GDAP1: variants seen among roughly 807,000 people sequenced by gnomAD.
GDAP1 encodes the protein ganglioside induced differentiation associated protein 1.
A neutral mutation model predicts 40.1 loss-of-function variants in GDAP1; 34 were observed. The observed-to-expected ratio is 0.85, with a 90% CI of 0.64 to 1.13. The LOEUF (loss-of-function observed/expected upper bound fraction) is 1.13, where lower values mean the gene tolerates loss of function less well. GDAP1 is among the 50% of genes most tolerant of loss of function. GDAP1 has a pLI of 0.00. For missense variants in GDAP1, 374 were observed against 433.7 expected, an observed-to-expected ratio of 0.86 and a Z score of 1.22; for synonymous variants, 170 against 157.4, an observed-to-expected ratio of 1.08 and a Z score of -0.60.
intron 2 of GDAP1, among the ~76,000 whole-genome samples, chr8:74,473,762 A>C (rs1042474708): frequency 2.6e-5 from 4 of 151,888 alleles, no homozygotes; most frequent in Non-Finnish European, 1.5e-5. Context: ...TTGTTCTTTT[A>C]TTTAGGATAG....
At chr8:74,471,095 G>A (rs2131584209) in intron 2 of GDAP1, among the ~76,000 whole-genome samples, 1 of 152,010 alleles carries the variant, frequency 6.6e-6, no homozygotes, top group Non-Finnish European at 1.5e-5. Flanking sequence ...TTTTGATGGG[G>A]TTGTTTTTTT....
chr8:74,416,371 C>T (rs1369628517), intron 2 of GDAP1, among the ~76,000 whole-genome samples: 1 of 150,136 alleles, frequency 6.7e-6, no homozygotes, highest in Non-Finnish European at 1.5e-5. Flanking sequence ...CACCTCTTGG[C>T]TGGAGGCCAA....
chr8:74,468,478 T>TACACACAC (rs71271804), intron 2 of GDAP1, among the ~76,000 whole-genome samples: 69 of 139,208 alleles, frequency 5.0e-4, no homozygotes, highest in African/African-American at 1.2e-3. Flanking sequence ...AATGACCCCA[T>TACACACAC]ACACACACAC....
At chr8:74,465,703 T>C (rs1586843191) in intron 2 of GDAP1, among the ~76,000 whole-genome samples, 1 of 152,060 alleles carries the variant, frequency 6.6e-6, no homozygotes. Context: ...CCTGGCTCCC[T>C]CTCCAAACTG....
chr8:74,382,784 T>C (rs1377150080), intron 2 of GDAP1, among the ~76,000 whole-genome samples: 8 of 152,128 alleles, frequency 5.3e-5, no homozygotes, highest in African/African-American at 1.9e-4. Context: ...TCACTTTTTT[T>C]TCCCTGAGTA....
chr8:74,476,533 G>A (rs987946827), intron 2 of GDAP1, among the ~76,000 whole-genome samples: 2 of 152,052 alleles, frequency 1.3e-5, no homozygotes, highest in Admixed American at 6.6e-5. Context: ...GTTCTCCTTT[G>A]CTTATGAAGC....
intron 2 of GDAP1, among the ~76,000 whole-genome samples, chr8:74,410,404 A>G (rs577664220): frequency 3.3e-5 from 5 of 150,424 alleles, no homozygotes; most frequent in African/African-American, 1.0e-4. Flanking sequence ...CTGAGAAAAC[A>G]TAAGAGTCTA....
chr8:74,457,891 A>G (rs1276060210), intron 2 of GDAP1, among the ~76,000 whole-genome samples: 2 of 152,120 alleles, frequency 1.3e-5, no homozygotes, highest in Non-Finnish European at 2.9e-5. Flanking sequence ...ATTTTTCCAA[A>G]CATGTAATTA....
chr8:74,366,668 A>C lies in GDAP1; in HGVS notation c.*2301A>C. ...GGCTTTTTGTGTCTTAACACACATAAATACTATTGTTATTGCAGCAGATGC... is the reference window on the plus strand; with the variant it reads ...GGCTTTTTGTGTCTTAACACACATACATACTATTGTTATTGCAGCAGATGC... On this transcript the variant is annotated 3_prime_UTR_variant, in exon 6 of 6. Coordinates refer to ENST00000220822, the MANE Select transcript of GDAP1 (RefSeq NM_018972.4). 2.2e-6 allele frequency: 1 copy of C among 453,314 alleles called. No individual in the cohort carries two copies. Among genetic ancestry groups the C allele is most frequent in the Non-Finnish European group, 4.4e-6 (1 of 226,310 alleles). 28.1% of individuals were successfully genotyped at this position (453,314 alleles called of 1,614,324 possible).
At chr8:74,390,906 G>A (rs1466742326) in intron 2 of GDAP1, among the ~76,000 whole-genome samples, 1 of 152,246 alleles carries the variant, frequency 6.6e-6, no homozygotes, top group Non-Finnish European at 1.5e-5. Flanking sequence ...TAGAGAGGCA[G>A]TGTGGCTACA....
chr8:74,388,964 G>A (rs1255740984), intron 2 of GDAP1, among the ~76,000 whole-genome samples: 1 of 152,044 alleles, frequency 6.6e-6, no homozygotes, highest in Non-Finnish European at 1.5e-5. Flanking sequence ...GATCTTTGTT[G>A]GTTTAAAGTC....
intron 2 of GDAP1, among the ~76,000 whole-genome samples, chr8:74,425,206 C>T (rs1330734499): frequency 6.6e-6 from 1 of 152,214 alleles, no homozygotes; most frequent in African/African-American, 2.4e-5. Context: ...TTGATCTATA[C>T]CCTTGTTTGC....
chr8:74,411,205 T>C (rs1245183599), intron 2 of GDAP1, among the ~76,000 whole-genome samples: 1 of 150,146 alleles, frequency 6.7e-6, no homozygotes, highest in Non-Finnish European at 1.5e-5. Flanking sequence ...ACCTCTTTCC[T>C]TTATAAATTG....
Position 74,366,866 on chromosome 8 carries a change from C to A in GDAP1, c.*2499C>A, listed in dbSNP as rs1367857242. ...AAGTAATTGGAAAATAAATATGAAC[C>A]CTAAAACAAAGTACTCACTTTGTAA... On this transcript the variant is annotated 3_prime_UTR_variant, in exon 6 of 6. Transcript: ENST00000220822. 9.5e-6 allele frequency: 4 copies of A among 421,068 alleles called. No homozygotes were observed. Among genetic ancestry groups the A allele is most frequent in the African/African-American group, 2.1e-5 (1 of 48,102 alleles). The allele number at this position is 421,068 out of a possible 1,614,324, so 26.1% of individuals were successfully genotyped here.
intron 2 of GDAP1, among the ~76,000 whole-genome samples, chr8:74,472,570 C>T (rs998022013): frequency 6.6e-6 from 1 of 152,146 alleles, no homozygotes; most frequent in East Asian, 1.9e-4. Context: ...TATAAGTGTT[C>T]CCTTTTCTCT....
At chr8:74,396,456 T>G (rs867366272) in intron 2 of GDAP1, among the ~76,000 whole-genome samples, 14 of 152,140 alleles carry the variant, frequency 9.2e-5, no homozygotes, top group Middle Eastern at 3.4e-3. Context: ...GCTGCACCCA[T>G]TAACTCGTCA....
downstream of GDAP1, among the ~76,000 whole-genome samples, chr8:74,368,348 A>C (rs1352849185): frequency 6.6e-6 from 1 of 152,240 alleles, no homozygotes; most frequent in African/African-American, 2.4e-5. Flanking sequence ...ATTACTTGCA[A>C]ACATTGCCAA....
chr8:74,397,542 A>G lies in GDAP1; in HGVS notation c.165+46221A>G, dbSNP rs1481616428. ...TTGAATTAATTTTTGTATAAGGTGA[A>G]GGAAGGGATCCAGTTTCAGCTTTCT... On this transcript the variant is annotated intron_variant, in intron 2 of 2. Coordinates refer to the GDAP1 transcript ENST00000523640. 4.6e-5 allele frequency among the ~76,000 whole-genome samples: 7 copies of G among 152,180 alleles called. No homozygotes were observed. In the South Asian group the frequency reaches 1.4e-3, roughly 32 times the overall value.
At position 74,350,500 on chromosome 8, in the gene GDAP1, C is replaced by A. The variant is rs143063749; in HGVS notation, c.39C>A (p.Pro13=). Residue 13 remains proline, a synonymous_variant, in exon 1 of 6, where the codon CCC becomes CCA. Coordinates refer to ENST00000220822, the MANE Select transcript of GDAP1 (RefSeq NM_018972.4). ...AGGAAGAGCAGAGAGGGAGCCCGCCCTTGAGGGCGGAAGGCAAGGCCGACG... is the reference window on the plus strand; with the variant it reads ...AGGAAGAGCAGAGAGGGAGCCCGCCATTGAGGGCGGAAGGCAAGGCCGACG... ...ERQEEQRGSP[P]LRAEGKADAE... The A allele has an allele frequency of 6.2e-7, 1 of 1,613,614 alleles. No individual in the cohort carries two copies. The highest frequency in any genetic ancestry group is 1.3e-5 in the African/African-American group (1 of 75,068).
Sources: allele counts gnomAD v4.1 joint callset (sites outside exome capture counted in the v4.1 genomes callset), GRCh38; gene constraint gnomAD v4.1.1; transcripts MANE v1.5; gene names NCBI Gene and HGNC (gene_info 2026-07-23, HGNC 2026-07-21).